TRPC4: variants seen among roughly 807,000 people sequenced by gnomAD.
The protein encoded by TRPC4 is transient receptor potential cation channel subfamily C member 4.
TRPC4 carries 49 observed loss-of-function variants against 99.4 expected under a neutral mutation model. The ratio of observed to expected loss-of-function variants is 0.49; its 90% confidence interval spans 0.39 to 0.63. TRPC4 has a LOEUF of 0.63. TRPC4 is among the 20% of genes least tolerant of loss of function. TRPC4 has a pLI of 0.00. For synonymous variants in TRPC4, 454 were observed against 425.9 expected (o/e 1.07, Z -0.81); for missense variants, 898 against 1,152.9 (o/e 0.78, Z 3.20).
intron 1 of TRPC4, among the ~76,000 whole-genome samples, chr13:37,793,470 A>G (rs769021781): frequency 6.9e-5 from 10 of 143,944 alleles, no homozygotes; most frequent in Non-Finnish European, 1.4e-4. Context: ...TAGTACTACA[A>G]CCTAACACAC....
chr13:37,656,592 T>C (rs1056514907), intron 6 of TRPC4, among the ~76,000 whole-genome samples: 3 of 152,176 alleles, frequency 2.0e-5, no homozygotes, highest in African/African-American at 7.2e-5. Context: ...CAGTGGCCTG[T>C]GGCATGCATT....
chr13:37,703,569 A>G (rs1160173534), intron 3 of TRPC4, among the ~76,000 whole-genome samples: 1 of 152,188 alleles, frequency 6.6e-6, no homozygotes, highest in African/African-American at 2.4e-5. Flanking sequence ...AAATAAACAC[A>G]TGAAAAGATG....
chr13:37,773,255 A>T (rs1287188992), intron 2 of TRPC4, among the ~76,000 whole-genome samples: 1 of 151,744 alleles, frequency 6.6e-6, no homozygotes, highest in Non-Finnish European at 1.5e-5. Flanking sequence ...GCAAAATAAG[A>T]ATAAAAGCCA....
chr13:37,758,591 C>T (rs935304457), intron 2 of TRPC4, among the ~76,000 whole-genome samples: 6 of 151,624 alleles, frequency 4.0e-5, no homozygotes, highest in Non-Finnish European at 8.9e-5. Flanking sequence ...ACAAGACAAC[C>T]TGTTCCTGTT....
At chr13:37,748,552 C>A (rs1955848329) in intron 2 of TRPC4, among the ~76,000 whole-genome samples, 1 of 151,278 alleles carries the variant, frequency 6.6e-6, no homozygotes, top group South Asian at 2.1e-4. Context: ...TGAGAATATA[C>A]CAAGAATAAA....
At chr13:37,767,710 T>C (rs1350693310) in intron 2 of TRPC4, among the ~76,000 whole-genome samples, 1 of 151,436 alleles carries the variant, frequency 6.6e-6, no homozygotes, top group Non-Finnish European at 1.5e-5. Flanking sequence ...TTTGACTTAA[T>C]CTTGCCAGAT....
At chr13:37,812,424 C>T (rs1957729703) in intron 1 of TRPC4, among the ~76,000 whole-genome samples, 11 of 151,482 alleles carry the variant, frequency 7.3e-5, no homozygotes, top group Admixed American at 7.2e-4. Flanking sequence ...TTAAAATTAG[C>T]AAGAAAAGCT....
In TRPC4 at chr13:37,632,356, G is replaced by A. The variant is rs1349183786; in HGVS notation, c.*4547C>T. Among the ~76,000 whole-genome samples, 1 of 152,144 alleles carries A rather than the reference G, an allele frequency of 6.6e-6. No individual in the cohort carries two copies. Among genetic ancestry groups the A allele is most frequent in the African/African-American group, 2.4e-5 (1 of 41,442 alleles). On this transcript the variant is annotated 3_prime_UTR_variant, in exon 11 of 11. Transcript: ENST00000379705. Reference sequence around the variant, plus strand: ...TTCATAAATACTATCAGTTCAATATGTAGCCAACATAAAATATTTATGAGC... The same window carrying A: ...TTCATAAATACTATCAGTTCAATATATAGCCAACATAAAATATTTATGAGC...
intron 4 of TRPC4, among the ~76,000 whole-genome samples, chr13:37,676,098 CT>C (rs1016415136): frequency 6.6e-6 from 1 of 152,148 alleles, no homozygotes; most frequent in African/African-American, 2.4e-5. Context: ...GGCATGTACA[CT>C]TTCAGGCATA....
At chr13:37,750,449 TTTTA>T (rs145083514) in intron 2 of TRPC4, among the ~76,000 whole-genome samples, 6,341 of 152,196 alleles carry the variant, frequency 0.042, 186 homozygotes, top group East Asian at 0.11. Context: ...CAAATAACTT[TTTTA>T]TTTATTATCA....
intron 1 of TRPC4, among the ~76,000 whole-genome samples, chr13:37,796,968 ATAAAGTAAAGTAAAGTAAAGTAAAG>A (rs548354406): frequency 8.7e-6 from 1 of 115,114 alleles, no homozygotes; most frequent in African/African-American, 3.8e-5. Context: ...ATAAAATAAA[ATAAAGTAAAGTAAAGTAAAGTAAAG>A]TAAAGTAAAG....
At chr13:37,810,696 C>G (rs1351812244) in intron 1 of TRPC4, among the ~76,000 whole-genome samples, 1 of 151,938 alleles carries the variant, frequency 6.6e-6, no homozygotes, top group African/African-American at 2.4e-5. Flanking sequence ...ATGAATTAAA[C>G]TTTATACTTT....
intron 1 of TRPC4, among the ~76,000 whole-genome samples, chr13:37,863,770 A>G (rs1959555433): frequency 1.3e-5 from 2 of 151,662 alleles, no homozygotes; most frequent in African/African-American, 2.4e-5. Flanking sequence ...GGAGATTCAT[A>G]TTGGTGTATG....
chr13:37,667,137 T>C (rs1182773547), intron 5 of TRPC4, among the ~76,000 whole-genome samples: 1 of 152,222 alleles, frequency 6.6e-6, no homozygotes, highest in African/African-American at 2.4e-5. Context: ...AATCTTTTTG[T>C]CTAAAATCCC....
chr13:37,697,011 G>T lies in TRPC4; in HGVS notation c.898-4676C>A, dbSNP rs1953926129. ...TGTCTCTGTCTCTCTCTGCTTCCTG[G>T]TGATACCTCTGGTCGTGCTCTTCAT... On this transcript the variant is annotated intron_variant, in intron 3 of 10. Coordinates refer to ENST00000379705, the MANE Select transcript of TRPC4 (RefSeq NM_016179.4). Among the ~76,000 whole-genome samples the T allele has an allele frequency of 4.7e-5, 7 of 150,428 alleles. No individual in the cohort carries two copies. In the Admixed American group the frequency reaches 4.7e-4, roughly 10 times the overall value.
Position 37,851,922 on chromosome 13 carries a change from T to C in TRPC4, c.-28+17673A>G, listed in dbSNP as rs1016408910. On this transcript the variant is annotated intron_variant, in intron 1 of 10. Transcript: ENST00000379705. ...CCTTGCTGGACTCAGCCAGTGCCTG[T>C]GCACAGAGGGAGCATTTGAACTAGA... Among the ~76,000 whole-genome samples, 10 of 152,200 alleles carry C rather than the reference T, an allele frequency of 6.6e-5. 1 individual carries two copies. Among genetic ancestry groups the C allele is most frequent in the Admixed American group, 2.0e-4 (3 of 15,282 alleles).
chr13:37,774,411 C>T (rs565285753), intron 2 of TRPC4, among the ~76,000 whole-genome samples: 12 of 151,718 alleles, frequency 7.9e-5, no homozygotes, highest in East Asian at 1.9e-4. Flanking sequence ...GATTAAAAAA[C>T]GAGTGTATAA....
At chr13:37,656,469 C>G (rs1028096350) in intron 6 of TRPC4, among the ~76,000 whole-genome samples, 1 of 151,988 alleles carries the variant, frequency 6.6e-6, no homozygotes, top group African/African-American at 2.4e-5. Flanking sequence ...CCCTGTATGC[C>G]CTTTTATGGA....
intron 1 of TRPC4, among the ~76,000 whole-genome samples, chr13:37,867,790 A>G (rs1442205020): frequency 6.6e-6 from 1 of 152,126 alleles, no homozygotes; most frequent in Non-Finnish European, 1.5e-5. Flanking sequence ...AATTAAAATG[A>G]TGTAATAGTT....
Sources: gnomAD v4.1 joint callset for allele counts (sites outside exome capture counted in the v4.1 genomes callset) on GRCh38, gnomAD v4.1.1 for gene constraint, MANE v1.5 for transcripts, NCBI Gene and HGNC (gene_info 2026-07-23, HGNC 2026-07-21) for gene names.